The following RCAN1 variants were observed in gnomAD, a reference collection of about 807,000 sequenced individuals.
RCAN1 encodes calcipressin-1.
In RCAN1, 11 loss-of-function variants were observed where a neutral mutation model predicts 22.9. The ratio of observed to expected loss-of-function variants is 0.48; its 90% confidence interval spans 0.30 to 0.79. The LOEUF is 0.79. Among genes scored for constraint, RCAN1 ranks in the 30% least tolerant of loss-of-function variants. RCAN1 has a pLI of 0.06. For synonymous variants in RCAN1, 136 were observed against 142.3 expected, an observed-to-expected ratio of 0.96 and a Z score of 0.32; for missense variants, 291 against 337.8, an observed-to-expected ratio of 0.86 and a Z score of 1.09.
chr21:34,587,738 T>C (rs997435228), intron 1 of RCAN1, among the ~76,000 whole-genome samples: 19 of 152,234 alleles, frequency 1.2e-4, no homozygotes, highest in African/African-American at 4.6e-4. Context: ...TGAACTACTA[T>C]GACATGTATA....
At chr21:34,559,010 G>A (rs1238792540) in intron 1 of RCAN1, among the ~76,000 whole-genome samples, 1 of 152,164 alleles carries the variant, frequency 6.6e-6, no homozygotes, top group Non-Finnish European at 1.5e-5. Flanking sequence ...AATACTACAA[G>A]AAACATTCCA....
At chr21:34,532,420 C>T (rs1037282782) in intron 1 of RCAN1, among the ~76,000 whole-genome samples, 10 of 152,214 alleles carry the variant, frequency 6.6e-5, no homozygotes, top group Non-Finnish European at 8.8e-5. Flanking sequence ...AAACTTCCTA[C>T]GTCTGTCTCC....
At chr21:34,570,497 A>C (rs866282185) in intron 1 of RCAN1, among the ~76,000 whole-genome samples, 8 of 152,352 alleles carry the variant, frequency 5.3e-5, no homozygotes, top group Middle Eastern at 3.4e-3. Context: ...AGCATGACTG[A>C]CGTCTTGAAT....
At chr21:34,533,832 G>A (rs1231807103) in intron 1 of RCAN1, among the ~76,000 whole-genome samples, 8 of 152,218 alleles carry the variant, frequency 5.3e-5, no homozygotes, top group Admixed American at 5.2e-4. Flanking sequence ...AGCAGGTAGG[G>A]GAGTGAACCG....
chr21:34,524,308 T>C (rs1984841169), intron 1 of RCAN1: 1 of 152,744 alleles, frequency 6.5e-6, no homozygotes, highest in Non-Finnish European at 1.5e-5. Flanking sequence ...AAAAGTAGAA[T>C]GAGCATTTTC....
At chr21:34,589,761 A>G (rs1464000518) in intron 1 of RCAN1, among the ~76,000 whole-genome samples, 1 of 152,014 alleles carries the variant, frequency 6.6e-6, no homozygotes, top group Non-Finnish European at 1.5e-5. Flanking sequence ...GGGACAGCTC[A>G]TCTCATCTTC....
intron 1 of RCAN1, chr21:34,527,048 G>T: frequency 9.6e-7 from 1 of 1,039,134 alleles, no homozygotes; most frequent in Non-Finnish European, 1.2e-6. Context: ...TGCTTGGGGA[G>T]AATGGAAAAA....
At chr21:34,594,068 T>C (rs1988064993) in intron 1 of RCAN1, among the ~76,000 whole-genome samples, 1 of 152,184 alleles carries the variant, frequency 6.6e-6, no homozygotes, top group Non-Finnish European at 1.5e-5. Flanking sequence ...TGATGGATTA[T>C]ATTAGAGGAG....
Position 34,571,022 on chromosome 21 carries a change from G to C in RCAN1, c.252+43738C>G, listed in dbSNP as rs948032412. Among the ~76,000 whole-genome samples, 11 of 152,224 alleles carry C rather than the reference G, an allele frequency of 7.2e-5. No homozygotes were observed. In the South Asian group the frequency reaches 2.3e-3, roughly 32 times the overall value. On this transcript the variant is annotated intron_variant, in intron 1 of 3. Transcript: ENST00000313806. ...ACAAATGAAACATGTGGCCAGGTGT[G>C]GTGGCTCAACCCTGTAATCCCAGCA...
chr21:34,531,105 C>G (rs1394945241), intron 1 of RCAN1, among the ~76,000 whole-genome samples: 1 of 152,206 alleles, frequency 6.6e-6, no homozygotes, highest in African/African-American at 2.4e-5. Context: ...GGATTAATAT[C>G]AAATTCAGAG....
chr21:34,611,043 T>C (rs1988674650), intron 1 of RCAN1, among the ~76,000 whole-genome samples: 1 of 152,214 alleles, frequency 6.6e-6, no homozygotes, highest in Non-Finnish European at 1.5e-5. Context: ...TTTGTTTCCA[T>C]TACTATACGG....
At chr21:34,572,195 C>T (rs548507222) in intron 1 of RCAN1, among the ~76,000 whole-genome samples, 1 of 152,248 alleles carries the variant, frequency 6.6e-6, no homozygotes, top group South Asian at 2.1e-4. Context: ...AAAAAGTCCT[C>T]GAATTAAAAA....
chr21:34,610,785 T>C (rs901956852), intron 1 of RCAN1, among the ~76,000 whole-genome samples: 2 of 152,202 alleles, frequency 1.3e-5, no homozygotes, highest in East Asian at 3.8e-4. Context: ...CAAAGGTCTC[T>C]ACTCACATAA....
chr21:34,586,962 A>T (rs919071556), intron 1 of RCAN1, among the ~76,000 whole-genome samples: 11 of 146,738 alleles, frequency 7.5e-5, no homozygotes, highest in Admixed American at 6.7e-4. Flanking sequence ...TTAAAAAAAT[A>T]AAAAAAAAAG....
chr21:34,548,127 G>T (rs1986218990), intron 1 of RCAN1, among the ~76,000 whole-genome samples: 1 of 152,128 alleles, frequency 6.6e-6, no homozygotes, highest in African/African-American at 2.4e-5. Flanking sequence ...CCTAGAATAG[G>T]GCATTTTGTT....
At chr21:34,593,427 C>A (rs971371345) in intron 1 of RCAN1, among the ~76,000 whole-genome samples, 2 of 152,244 alleles carry the variant, frequency 1.3e-5, no homozygotes. Context: ...ATCATTACAT[C>A]TTTATGAAAA....
chr21:34,547,437 C>T (rs940842063), intron 1 of RCAN1, among the ~76,000 whole-genome samples: 1 of 152,190 alleles, frequency 6.6e-6, no homozygotes, highest in Non-Finnish European at 1.5e-5. Context: ...AGAGGCCAGG[C>T]AAATGACCTC....
chr21:34,573,911 T>C (rs1987320740), intron 1 of RCAN1, among the ~76,000 whole-genome samples: 1 of 152,194 alleles, frequency 6.6e-6, no homozygotes. Flanking sequence ...ATACGTGTCA[T>C]GAAAACATAT....
At position 34,533,534 on chromosome 21, in the gene RCAN1, G is replaced by A. The variant is rs572895566; in HGVS notation, c.253-9824C>T. On this transcript the variant is annotated intron_variant, in intron 1 of 3. Coordinates refer to ENST00000313806, the MANE Select transcript of RCAN1 (RefSeq NM_004414.7). The stretch of plus-strand genomic sequence containing the variant: ...AGCCTTCTGGTTCACATTCATTCAC[G>A]CATCCCTCCATTTATTCATTCATTT... 6.6e-5 allele frequency among the ~76,000 whole-genome samples: 10 copies of A among 152,124 alleles called. No homozygotes were observed. The South Asian group carries it at 1.2e-3, about 19-fold the overall frequency.
Sources: allele counts gnomAD v4.1 joint callset (sites outside exome capture counted in the v4.1 genomes callset), GRCh38; gene constraint gnomAD v4.1.1; transcripts MANE v1.5; gene names NCBI Gene and HGNC (gene_info 2026-07-23, HGNC 2026-07-21).